Variants in CACNA2D1 observed in about 807,000 individuals in gnomAD.
The protein encoded by CACNA2D1 is voltage-dependent calcium channel subunit alpha-2/delta-1.
A neutral mutation model predicts 171.5 loss-of-function variants in CACNA2D1; 53 were observed. The ratio of observed to expected loss-of-function variants is 0.31; its 90% confidence interval spans 0.25 to 0.39. The LOEUF (loss-of-function observed/expected upper bound fraction) is 0.39, where lower values mean the gene tolerates loss of function less well. Ranked by LOEUF, CACNA2D1 falls within the 10% of genes least tolerant of loss-of-function variation. The probability of loss-of-function intolerance (pLI) is 1.00; values close to 1 mark genes in which losing one functional copy is unlikely to be tolerated. For synonymous variants in CACNA2D1, 442 were observed against 443.1 expected, an observed-to-expected ratio of 1.00 and a Z score of 0.03; for missense variants, 903 against 1,299.8, an observed-to-expected ratio of 0.69 and a Z score of 4.69.
chr7:82,135,628 A>G (rs1791518236), intron 5 of CACNA2D1, among the ~76,000 whole-genome samples: 1 of 152,226 alleles, frequency 6.6e-6, no homozygotes, highest in African/African-American at 2.4e-5. Context: ...ATAATTTGTT[A>G]TAATTTGGGA....
intron 1 of CACNA2D1, among the ~76,000 whole-genome samples, chr7:82,384,449 C>T (rs772057974): frequency 9.9e-5 from 15 of 152,080 alleles, no homozygotes; most frequent in East Asian, 3.9e-4. Context: ...TTGAATGAGT[C>T]GGCACCTTAT....
intron 3 of CACNA2D1, among the ~76,000 whole-genome samples, chr7:82,332,510 T>TAAAGAAAGAAAGAAAGAG (rs1554514822): frequency 6.5e-5 from 6 of 92,648 alleles, no homozygotes; most frequent in South Asian, 4.0e-4. Flanking sequence ...AAAAGAAATA[T>TAAAGAAAGAAAGAAAGAG]AAAGAAAGAA....
intron 6 of CACNA2D1, among the ~76,000 whole-genome samples, chr7:82,095,149 A>G (rs188674004): frequency 1.3e-5 from 2 of 152,000 alleles, no homozygotes; most frequent in African/African-American, 4.8e-5. Flanking sequence ...CTCAAATGTC[A>G]TTCTGTATGC....
intron 3 of CACNA2D1, among the ~76,000 whole-genome samples, chr7:82,181,040 G>GTTTTTTTTTT (rs1797073500): frequency 2.2e-5 from 1 of 45,946 alleles, no homozygotes; most frequent in South Asian, 8.7e-4. Context: ...GGGCATGTCG[G>GTTTTTTTTTT]ATTTTTTTTT....
At chr7:82,250,916 T>C (rs1178855726) in intron 3 of CACNA2D1, among the ~76,000 whole-genome samples, 1 of 152,170 alleles carries the variant, frequency 6.6e-6, no homozygotes, top group African/African-American at 2.4e-5. Flanking sequence ...CAGGACTTGA[T>C]TTGTATCATT....
chr7:82,349,151 C>T (rs1331911383), intron 2 of CACNA2D1, among the ~76,000 whole-genome samples: 2 of 152,040 alleles, frequency 1.3e-5, no homozygotes, highest in East Asian at 1.9e-4. Context: ...AATTTTTACC[C>T]TAATAGAATG....
chr7:81,987,150 C>T (rs570480192), intron 21 of CACNA2D1, among the ~76,000 whole-genome samples: 3 of 152,240 alleles, frequency 2.0e-5, no homozygotes, highest in African/African-American at 7.2e-5. Flanking sequence ...TTATTAATAG[C>T]TACAGTCCGT....
At chr7:82,267,722 T>C (rs1050549562) in intron 3 of CACNA2D1, among the ~76,000 whole-genome samples, 8 of 152,204 alleles carry the variant, frequency 5.3e-5, no homozygotes, top group East Asian at 1.9e-4. Flanking sequence ...CGGCTGGGTG[T>C]GGTGGTTCAC....
chr7:82,134,311 C>T (rs1027970185), intron 5 of CACNA2D1, among the ~76,000 whole-genome samples: 5 of 151,934 alleles, frequency 3.3e-5, no homozygotes, highest in African/African-American at 1.2e-4. Flanking sequence ...CTGAAATGAA[C>T]GTTATGGATC....
chr7:82,079,020 G>C (rs558817494), intron 7 of CACNA2D1, among the ~76,000 whole-genome samples: 1 of 152,248 alleles, frequency 6.6e-6, no homozygotes, highest in East Asian at 1.9e-4. Flanking sequence ...TCAGTCCAAG[G>C]ACAGACATTA....
chr7:82,410,383 ATT>A, intron 1 of CACNA2D1: 1 of 375,812 alleles, frequency 2.7e-6, no homozygotes, highest in African/African-American at 2.2e-5. Context: ...TACCTAATCC[ATT>A]TTTATTAAAT....
intron 6 of CACNA2D1, among the ~76,000 whole-genome samples, chr7:82,088,359 T>C (rs1810730985): frequency 6.6e-6 from 1 of 152,122 alleles, no homozygotes; most frequent in Non-Finnish European, 1.5e-5. Flanking sequence ...GAAAATTATT[T>C]TCAGCAAATA....
intron 15 of CACNA2D1, among the ~76,000 whole-genome samples, chr7:82,010,546 C>T (rs1453417520): frequency 6.6e-6 from 1 of 152,060 alleles, no homozygotes; most frequent in Non-Finnish European, 1.5e-5. Context: ...TTATTGACTC[C>T]TCCTATCATA....
At chr7:82,060,190 T>TAATATATATATAA (rs1491114373) in intron 10 of CACNA2D1, among the ~76,000 whole-genome samples, 4 of 13,142 alleles carry the variant, frequency 3.0e-4, no homozygotes, top group Non-Finnish European at 4.1e-4. Context: ...TATATATATA[T>TAATATATATATAA]TATATATATA....
At chr7:82,133,425 C>A (rs887745982) in intron 5 of CACNA2D1, among the ~76,000 whole-genome samples, 12 of 152,104 alleles carry the variant, frequency 7.9e-5, no homozygotes, top group Non-Finnish European at 1.2e-4. Flanking sequence ...GTTAGATTAT[C>A]TTTTAATATA....
At chr7:82,004,047 C>T (rs1798885169) in intron 18 of CACNA2D1, among the ~76,000 whole-genome samples, 1 of 152,110 alleles carries the variant, frequency 6.6e-6, no homozygotes, top group Admixed American at 6.6e-5. Flanking sequence ...GCCCAGCCCA[C>T]ATTACACTTT....
At chr7:82,329,149 A>T (rs1043988656) in intron 3 of CACNA2D1, among the ~76,000 whole-genome samples, 23 of 152,184 alleles carry the variant, frequency 1.5e-4, no homozygotes, top group African/African-American at 5.3e-4. Context: ...CTATTTGGTT[A>T]AATAACAATC....
At chr7:82,209,903 C>A (rs1800392176) in intron 3 of CACNA2D1, among the ~76,000 whole-genome samples, 1 of 152,080 alleles carries the variant, frequency 6.6e-6, no homozygotes, top group African/African-American at 2.4e-5. Flanking sequence ...CTAAAACCAT[C>A]CCCAATCTAA....
At chr7:82,359,640 C>T (rs1820859332) in intron 1 of CACNA2D1, among the ~76,000 whole-genome samples, 1 of 148,986 alleles carries the variant, frequency 6.7e-6, no homozygotes, top group Non-Finnish European at 1.5e-5. Flanking sequence ...CTCTTCTGGC[C>T]AATTCAAGTC....
Sources: gnomAD v4.1 joint callset for allele counts (sites outside exome capture counted in the v4.1 genomes callset) on GRCh38, gnomAD v4.1.1 for gene constraint, MANE v1.5 for transcripts, NCBI Gene and HGNC (gene_info 2026-07-23, HGNC 2026-07-21) for gene names.